The following NRG3 variants were observed in gnomAD, a reference collection of about 807,000 sequenced individuals.
NRG3 encodes pro-neuregulin-3, membrane-bound isoform.
A neutral mutation model predicts 66.9 loss-of-function variants in NRG3; 31 were observed. That is an observed-to-expected ratio of 0.46 (90% CI 0.35 to 0.63). NRG3 has a LOEUF of 0.63. Ranked by LOEUF, NRG3 falls within the 20% of genes least tolerant of loss-of-function variation. NRG3 has a pLI of 0.00. For synonymous variants in NRG3, 393 were observed against 359.4 expected (o/e 1.09, Z -1.06); for missense variants, 910 against 878.9 (o/e 1.04, Z -0.45).
At chr10:82,178,108 A>G (rs1428822023) in intron 1 of NRG3, among the ~76,000 whole-genome samples, 3 of 152,194 alleles carry the variant, frequency 2.0e-5, no homozygotes, top group African/African-American at 7.2e-5. Flanking sequence ...GTTAATGTAG[A>G]AAATAAAAAT....
intron 1 of NRG3, among the ~76,000 whole-genome samples, chr10:82,295,605 T>C (rs1589626233): frequency 6.6e-6 from 1 of 152,188 alleles, no homozygotes; most frequent in South Asian, 2.1e-4. Context: ...AAAAATATCT[T>C]ATAGGAAAAA....
chr10:82,052,455 C>G (rs747303868), intron 1 of NRG3, among the ~76,000 whole-genome samples: 2 of 152,142 alleles, frequency 1.3e-5, no homozygotes, highest in Non-Finnish European at 2.9e-5. Context: ...AATGGGCCAT[C>G]ATTTCTGTGC....
At chr10:82,685,144 C>CG (rs991249886) in intron 2 of NRG3, among the ~76,000 whole-genome samples, 9 of 152,124 alleles carry the variant, frequency 5.9e-5, no homozygotes, top group Non-Finnish European at 1.0e-4. Flanking sequence ...GAGGCCCCCC[C>CG]CAAAACTTAA....
At chr10:82,488,976 A>T (rs565140736) in intron 2 of NRG3, among the ~76,000 whole-genome samples, 1 of 152,288 alleles carries the variant, frequency 6.6e-6, no homozygotes, top group East Asian at 1.9e-4. Context: ...TAATATATAT[A>T]TAGGCCTAAT....
chr10:81,977,994 T>C (rs555861967), intron 1 of NRG3, among the ~76,000 whole-genome samples: 38 of 152,336 alleles, frequency 2.5e-4, no homozygotes, highest in African/African-American at 7.7e-4. Flanking sequence ...AATTAGTATT[T>C]TCGTCATCTC....
At chr10:82,733,222 A>C (rs1305191792) in intron 2 of NRG3, among the ~76,000 whole-genome samples, 3 of 152,232 alleles carry the variant, frequency 2.0e-5, no homozygotes, top group Admixed American at 6.5e-5. Flanking sequence ...AAACATTTGA[A>C]CATATTTGTA....
intron 2 of NRG3, among the ~76,000 whole-genome samples, chr10:82,595,514 G>C (rs1349973351): frequency 6.6e-6 from 1 of 152,104 alleles, no homozygotes; most frequent in Non-Finnish European, 1.5e-5. Context: ...GGCCAGGCGC[G>C]ATGGCCCACA....
intron 1 of NRG3, among the ~76,000 whole-genome samples, chr10:82,112,860 C>G (rs1272180745): frequency 6.6e-6 from 1 of 152,074 alleles, no homozygotes; most frequent in East Asian, 1.9e-4. Context: ...AGAGAAGGCA[C>G]AGTGCTCAGA....
intron 2 of NRG3, among the ~76,000 whole-genome samples, chr10:82,386,398 A>G (rs2085991546): frequency 1.3e-5 from 2 of 152,176 alleles, no homozygotes; most frequent in Non-Finnish European, 2.9e-5. Context: ...TTAATTATGT[A>G]TTTGTCAAAA....
At chr10:82,336,689 AT>A (rs1340030500) in intron 1 of NRG3, among the ~76,000 whole-genome samples, 1 of 152,010 alleles carries the variant, frequency 6.6e-6, no homozygotes, top group East Asian at 1.9e-4. Flanking sequence ...CATCTGGCTA[AT>A]TTTTGTATCT....
intron 2 of NRG3, among the ~76,000 whole-genome samples, chr10:82,606,385 C>T (rs974537915): frequency 1.3e-5 from 2 of 152,094 alleles, no homozygotes; most frequent in African/African-American, 4.8e-5. Flanking sequence ...GAGAATACTT[C>T]ACATGATTTC....
At chr10:82,022,005 C>G (rs1023464863) in intron 1 of NRG3, among the ~76,000 whole-genome samples, 2 of 151,186 alleles carry the variant, frequency 1.3e-5, no homozygotes, top group African/African-American at 4.9e-5. Flanking sequence ...TTTCTGCTCA[C>G]TTTTAATCTT....
intron 2 of NRG3, among the ~76,000 whole-genome samples, chr10:82,471,204 A>C (rs1030156470): frequency 6.6e-6 from 1 of 152,148 alleles, no homozygotes; most frequent in Non-Finnish European, 1.5e-5. Flanking sequence ...GCAAAGCAAG[A>C]GTCCTGCAAG....
At chr10:81,897,726 G>T (rs1843654616) in intron 1 of NRG3, among the ~76,000 whole-genome samples, 1 of 152,116 alleles carries the variant, frequency 6.6e-6, no homozygotes, top group Non-Finnish European at 1.5e-5. Flanking sequence ...GGAGGGAATA[G>T]ACATCTATTG....
intron 1 of NRG3, among the ~76,000 whole-genome samples, chr10:82,049,486 G>T (rs2063483924): frequency 6.6e-6 from 1 of 151,964 alleles, no homozygotes; most frequent in Non-Finnish European, 1.5e-5. Context: ...CAATTATAAG[G>T]GGGCTGCCAA....
At chr10:82,336,230 A>G (rs2082378941) in intron 1 of NRG3, among the ~76,000 whole-genome samples, 1 of 152,148 alleles carries the variant, frequency 6.6e-6, no homozygotes, top group African/African-American at 2.4e-5. Flanking sequence ...CCAGTAGAAG[A>G]GAAAAGGAGA....
chr10:82,650,442 A>C (rs1425404493), intron 2 of NRG3, among the ~76,000 whole-genome samples: 1 of 152,180 alleles, frequency 6.6e-6, no homozygotes, highest in Non-Finnish European at 1.5e-5. Flanking sequence ...ACAAAAAAAA[A>C]CACCTAATGT....
intron 1 of NRG3, among the ~76,000 whole-genome samples, chr10:82,343,882 G>C (rs1434493908): frequency 6.6e-6 from 1 of 152,030 alleles, no homozygotes. Flanking sequence ...CCAGGACGCT[G>C]CTTCTCTCTT....
intron 2 of NRG3, among the ~76,000 whole-genome samples, chr10:82,437,050 T>G (rs769531483): frequency 4.6e-5 from 7 of 152,104 alleles, no homozygotes; most frequent in African/African-American, 1.2e-4. Context: ...CTTAGTGGTG[T>G]TCTCTGTATT....
Sources: gnomAD v4.1 joint callset for allele counts (sites outside exome capture counted in the v4.1 genomes callset) on GRCh38, gnomAD v4.1.1 for gene constraint, MANE v1.5 for transcripts, NCBI Gene and HGNC (gene_info 2026-07-23, HGNC 2026-07-21) for gene names.